Variants in ATP2B2 observed in about 807,000 individuals in gnomAD.
The protein encoded by ATP2B2 is ATPase plasma membrane Ca2+ transporting 2, also known as plasma membrane calcium-transporting ATPase 2.
ATP2B2 carries 15 observed loss-of-function variants against 120.0 expected under a neutral mutation model. The observed-to-expected ratio is 0.12, with a 90% CI of 0.08 to 0.19. The LOEUF (loss-of-function observed/expected upper bound fraction) is 0.19. Among genes scored for constraint, ATP2B2 ranks in the 10% least tolerant of loss-of-function variants. The probability of loss-of-function intolerance (pLI) is 1.00; values close to 1 mark genes in which losing one functional copy is unlikely to be tolerated. For synonymous variants in ATP2B2, 694 were observed against 700.3 expected, an observed-to-expected ratio of 0.99 and a Z score of 0.14; for missense variants, 1,045 against 1,719.8, an observed-to-expected ratio of 0.61 and a Z score of 6.94.
intron 1 of ATP2B2, among the ~76,000 whole-genome samples, chr3:10,664,903 C>A (rs1251823471): frequency 4.6e-5 from 7 of 152,132 alleles, no homozygotes. Context: ...TATCCAGAAA[C>A]CTGGGAGCTA....
chr3:10,707,938 TGCTGCCGCCGCC>T (rs1207313406), exon 1 of ATP2B2: 53 of 150,980 alleles, frequency 3.5e-4, no homozygotes, highest in South Asian at 7.1e-4. Context: ...GAGAGCGAGA[TGCTGCCGCCGCC>T]GCTGCCGCCG....
In ATP2B2 at chr3:10,565,322, G is replaced by T. The variant is rs114277160; in HGVS notation, c.-414-31189C>A. Among the ~76,000 whole-genome samples, 663 of 152,254 alleles carry T rather than the reference G, an allele frequency of 4.4e-3. 6 individuals carry two copies. The highest frequency in any genetic ancestry group is 0.014 in the African/African-American group (579 of 41,538). On this transcript the variant is annotated intron_variant, in intron 2 of 21. Transcript: ENST00000646379. ...ACATTCTATGAAGGAAGCACAGCTT[G>T]GGAAGGTAAATGACTGTGTCCGGGT...
At chr3:10,676,303 A>T (rs2071242342) in intron 1 of ATP2B2, among the ~76,000 whole-genome samples, 1 of 152,058 alleles carries the variant, frequency 6.6e-6, no homozygotes, top group Admixed American at 6.5e-5. Flanking sequence ...GGTTCCAGCC[A>T]TTTCTCCTGA....
intron 1 of ATP2B2, among the ~76,000 whole-genome samples, chr3:10,650,216 C>T (rs111516179): frequency 0.064 from 9,805 of 152,266 alleles, 448 homozygotes; most frequent in African/African-American, 0.14. Context: ...ACAATAACGT[C>T]CAGACTGAGG....
chr3:10,448,416 C>T (rs1201923698), intron 2 of ATP2B2, among the ~76,000 whole-genome samples: 3 of 152,142 alleles, frequency 2.0e-5, no homozygotes, highest in Non-Finnish European at 2.9e-5. Flanking sequence ...GTAGGGTTAA[C>T]GTAGGGAATG....
intron 1 of ATP2B2, among the ~76,000 whole-genome samples, chr3:10,687,873 G>A (rs575526206): frequency 6.6e-6 from 1 of 152,076 alleles, no homozygotes; most frequent in South Asian, 2.1e-4. Context: ...AAAAATAACA[G>A]TAAAAAAGAA....
chr3:10,598,336 G>A (rs940966123), intron 2 of ATP2B2, among the ~76,000 whole-genome samples: 63 of 152,236 alleles, frequency 4.1e-4, no homozygotes, highest in Admixed American at 8.5e-4. Flanking sequence ...ATGGCTTAAC[G>A]TCAACTGTGC....
chr3:10,359,150 T>G (rs1416655475), intron 13 of ATP2B2, among the ~76,000 whole-genome samples: 1 of 152,188 alleles, frequency 6.6e-6, no homozygotes, highest in Admixed American at 6.5e-5. Flanking sequence ...ACTCACAAGA[T>G]TCATCTGAAA....
In ATP2B2 at chr3:10,359,893, G is replaced by A. The variant is rs373144988; in HGVS notation, c.1890C>T (p.Ile630=). Residue 630 remains isoleucine, a synonymous_variant, in exon 13 of 23, where the codon ATC becomes ATT. Coordinates refer to ENST00000360273, the MANE Select transcript of ATP2B2 (RefSeq NM_001001331.4). ...TGCCCAGCGCTTACTTCTTGAGCAC[G>A]ATCTCAGAAGCCCCCTTGCTGTACA... ...FRMYSKGASE[I]VLKKCCKILN... is the part of the protein sequence containing the mutation. The A allele has an allele frequency of 1.3e-5, 21 of 1,614,116 alleles. No individual in the cohort carries two copies. In the Admixed American group the frequency reaches 2.3e-4, roughly 18 times the overall value.
intron 2 of ATP2B2, among the ~76,000 whole-genome samples, chr3:10,444,966 A>G (rs975832226): frequency 6.6e-6 from 1 of 152,242 alleles, no homozygotes; most frequent in Non-Finnish European, 1.5e-5. Flanking sequence ...GGTGGAGAAT[A>G]ACACAGAGCT....
chr3:10,402,994 G>GT lies in ATP2B2; in HGVS notation c.398-647dup, dbSNP rs58286531. On this transcript the variant is annotated intron_variant, in intron 3 of 22. Transcript: ENST00000360273. The surrounding 1 kb of genome is among the most constrained non-coding windows in gnomAD (Gnocchi z 4.9). Reference sequence around the variant, plus strand: ...ACTTGCTTTAGGGTCTGAAAAGGCAGTTTGCCGCTGTCCTCTTCTTCTGTT... The same window carrying GT: ...ACTTGCTTTAGGGTCTGAAAAGGCAGTTTTGCCGCTGTCCTCTTCTTCTGTT... Among the ~76,000 whole-genome samples the GT allele has an allele frequency of 0.2, 30,995 of 152,000 alleles. 7,512 individuals are homozygous for GT. The highest frequency in any genetic ancestry group is 0.59 in the African/African-American group (24,309 of 41,278).
At chr3:10,629,369 C>A (rs2069799627) in intron 1 of ATP2B2, among the ~76,000 whole-genome samples, 1 of 152,214 alleles carries the variant, frequency 6.6e-6, no homozygotes, top group African/African-American at 2.4e-5. Context: ...TGGGTACATA[C>A]ATTATCTGGG....
At chr3:10,589,679 C>T (rs1026272956) in intron 2 of ATP2B2, among the ~76,000 whole-genome samples, 5 of 152,176 alleles carry the variant, frequency 3.3e-5, no homozygotes, top group Admixed American at 3.3e-4. Context: ...GCAAAGAGCA[C>T]TTAGTTCAGT....
chr3:10,426,535 T>C (rs1275488922), intron 2 of ATP2B2, among the ~76,000 whole-genome samples: 1 of 152,120 alleles, frequency 6.6e-6, no homozygotes, highest in African/African-American at 2.4e-5. Context: ...CCCGTGTCCT[T>C]GCTGTCGACA....
chr3:10,572,150 A>G (rs1468897732), intron 2 of ATP2B2, among the ~76,000 whole-genome samples: 1 of 152,228 alleles, frequency 6.6e-6, no homozygotes, highest in Non-Finnish European at 1.5e-5. Context: ...GCGGAGGCTC[A>G]GAGACAAATG....
chr3:10,338,914 G>C (rs1228087405), intron 21 of ATP2B2: 1 of 161,670 alleles, frequency 6.2e-6, no homozygotes, highest in Non-Finnish European at 1.4e-5. Context: ...GCCAATCCTG[G>C]ACTGGGAAGG....
chr3:10,618,974 G>T (rs1559489909), intron 2 of ATP2B2, among the ~76,000 whole-genome samples: 1 of 152,112 alleles, frequency 6.6e-6, no homozygotes, highest in Non-Finnish European at 1.5e-5. Context: ...GGGAGGGGGT[G>T]TTGGGTGGGG....
At chr3:10,666,099 C>A (rs1247514594) in intron 1 of ATP2B2, among the ~76,000 whole-genome samples, 2 of 152,226 alleles carry the variant, frequency 1.3e-5, no homozygotes, top group Non-Finnish European at 2.9e-5. Flanking sequence ...TTTCCTGCAG[C>A]ATGCAGCACC....
intron 2 of ATP2B2, among the ~76,000 whole-genome samples, chr3:10,546,984 C>T (rs953404698): frequency 6.6e-5 from 10 of 152,228 alleles, no homozygotes; most frequent in Admixed American, 4.6e-4. Context: ...TTCTGCTGTG[C>T]CATCTGCCAC....
Sources: gnomAD v4.1 joint callset for allele counts (sites outside exome capture counted in the v4.1 genomes callset) on GRCh38, gnomAD v4.1.1 for gene constraint, Gnocchi (gnomAD v3.1) non-coding constraint, MANE v1.5 for transcripts, NCBI Gene and HGNC (gene_info 2026-07-23, HGNC 2026-07-21) for gene names.